AK5: variants seen among roughly 807,000 people sequenced by gnomAD.
AK5 encodes adenylate kinase isoenzyme 5.
In AK5, 27 loss-of-function variants were observed where a neutral mutation model predicts 69.5. That is an observed-to-expected ratio of 0.39 (90% confidence interval 0.29 to 0.54). The LOEUF is 0.54. Among genes scored for constraint, AK5 ranks in the 20% least tolerant of loss-of-function variants. AK5 has a pLI of 0.71. For synonymous variants in AK5, 260 were observed against 244.4 expected, an observed-to-expected ratio of 1.06 and a Z score of -0.60; for missense variants, 531 against 700.4, an observed-to-expected ratio of 0.76 and a Z score of 2.73.
chr1:77,297,418 C>A, intron 3 of AK5, 141 bp from the exon 4 acceptor site: 2 of 650,778 alleles, frequency 3.1e-6, no homozygotes, highest in Non-Finnish European at 5.1e-6. Flanking sequence ...TCAAAGGCAG[C>A]ACTGAGAATG....
chr1:77,352,791 G>T (rs1557520232), intron 6 of AK5, among the ~76,000 whole-genome samples: 1 of 152,188 alleles, frequency 6.6e-6, no homozygotes, highest in Non-Finnish European at 1.5e-5. Context: ...CATTTGATTG[G>T]TTACTGTTAT....
intron 8 of AK5, among the ~76,000 whole-genome samples, chr1:77,460,602 C>A (rs1472230976): frequency 6.6e-6 from 1 of 152,112 alleles, no homozygotes; most frequent in Non-Finnish European, 1.5e-5. Context: ...TACTATTCAG[C>A]CATAAAAAAG....
chr1:77,554,832 G>A lies in AK5; in HGVS notation c.1621-3770G>A, dbSNP rs565576626. Reference sequence around the variant, plus strand: ...GGGGTTTCGCCATGTTAGCCGGGATGGTCTCTATCTCCTGACCTCGTGATC... The same window carrying A: ...GGGGTTTCGCCATGTTAGCCGGGATAGTCTCTATCTCCTGACCTCGTGATC... On this transcript the variant is annotated intron_variant, in intron 13 of 13. Coordinates refer to ENST00000354567, the MANE Select transcript of AK5 (RefSeq NM_174858.3). Among the ~76,000 whole-genome samples, 88 of 148,756 alleles carry A rather than the reference G, an allele frequency of 5.9e-4. No homozygotes were observed. In the South Asian group the frequency reaches 0.017, roughly 29 times the overall value.
intron 6 of AK5, among the ~76,000 whole-genome samples, chr1:77,387,842 A>G (rs1390219005): frequency 1.3e-5 from 2 of 152,202 alleles, no homozygotes; most frequent in Non-Finnish European, 2.9e-5. Context: ...TTAGGGAACA[A>G]CTGAATCATT....
rs186569094 is a variant in AK5 at position 77,341,502 on chromosome 1, C to T, written c.891+934C>T. 2.0e-5 allele frequency among the ~76,000 whole-genome samples: 3 copies of T among 152,268 alleles called. No individual in the cohort carries two copies. The East Asian group carries it at 5.8e-4, about 29-fold the overall frequency. On this transcript the variant is annotated intron_variant, in intron 6 of 13. Coordinates refer to ENST00000354567, the MANE Select transcript of AK5 (RefSeq NM_174858.3). Reference sequence around the variant, plus strand: ...GAATCTAATCAAAGCGATGCATGCCCATCCCAATAAAAAGCACATAAAGAC... The same window carrying T: ...GAATCTAATCAAAGCGATGCATGCCTATCCCAATAAAAAGCACATAAAGAC...
chr1:77,360,039 T>C (rs1003892357), intron 6 of AK5, among the ~76,000 whole-genome samples: 9 of 152,118 alleles, frequency 5.9e-5, no homozygotes, highest in Non-Finnish European at 8.8e-5. Flanking sequence ...AGAGGTCAAA[T>C]GAAGCAGTCA....
chr1:77,359,253 CAA>C (rs377096698), intron 6 of AK5, among the ~76,000 whole-genome samples: 8 of 99,270 alleles, frequency 8.1e-5, no homozygotes, highest in Admixed American at 1.1e-4. Flanking sequence ...GACTCTGTCT[CAA>C]AAAAAAAAAA....
chr1:77,491,030 A>G (rs1178714262), intron 10 of AK5, among the ~76,000 whole-genome samples: 1 of 152,154 alleles, frequency 6.6e-6, no homozygotes, highest in Admixed American at 6.6e-5. Context: ...CATAGCTTTC[A>G]ATGTGTCTGG....
intron 8 of AK5, among the ~76,000 whole-genome samples, chr1:77,462,762 G>A (rs769493169): frequency 1.1e-4 from 17 of 152,176 alleles, no homozygotes; most frequent in Non-Finnish European, 2.1e-4. Flanking sequence ...TAAATATGGT[G>A]GTACTGTTCC....
At chr1:77,530,902 C>G (rs946438374) in intron 12 of AK5, among the ~76,000 whole-genome samples, 2 of 152,040 alleles carry the variant, frequency 1.3e-5, no homozygotes, top group African/African-American at 4.8e-5. Context: ...CTTCTCCTCC[C>G]GCTCCACTTG....
At chr1:77,417,587 G>T in intron 7 of AK5, 52 bp from the exon 8 acceptor site, 1 of 1,137,068 alleles carries the variant, frequency 8.8e-7, no homozygotes, top group Non-Finnish European at 1.3e-6. Flanking sequence ...GTTTGCTTTA[G>T]AAACATACAT....
chr1:77,320,200 A>G (rs1225075380), intron 5 of AK5, among the ~76,000 whole-genome samples: 1 of 152,148 alleles, frequency 6.6e-6, no homozygotes, highest in Non-Finnish European at 1.5e-5. Flanking sequence ...TATCATGAGA[A>G]CAGCATGGGG....
chr1:77,516,089 G>T (rs1245277215), intron 10 of AK5, among the ~76,000 whole-genome samples: 1 of 152,090 alleles, frequency 6.6e-6, no homozygotes, highest in East Asian at 1.9e-4. Context: ...AAGAAAGAAA[G>T]AAAAGATGAA....
intron 10 of AK5, among the ~76,000 whole-genome samples, chr1:77,500,588 G>A (rs1324734156): frequency 6.6e-6 from 1 of 152,118 alleles, no homozygotes; most frequent in African/African-American, 2.4e-5. Flanking sequence ...AGATCAGCCT[G>A]AGTGAGCAAC....
At chr1:77,504,905 A>G (rs1464246669) in intron 10 of AK5, among the ~76,000 whole-genome samples, 1 of 152,160 alleles carries the variant, frequency 6.6e-6, no homozygotes, top group Non-Finnish European at 1.5e-5. Flanking sequence ...GTTTATACCT[A>G]TGATTGTGTT....
chr1:77,317,348 CT>C (rs1022961671), intron 5 of AK5, among the ~76,000 whole-genome samples: 1 of 152,138 alleles, frequency 6.6e-6, no homozygotes, highest in African/African-American at 2.4e-5. Flanking sequence ...TACAGTGTCG[CT>C]TCTATCACTT....
intron 8 of AK5, among the ~76,000 whole-genome samples, chr1:77,461,201 T>G (rs1185124632): frequency 1.3e-5 from 2 of 151,470 alleles, no homozygotes; most frequent in Non-Finnish European, 2.9e-5. Context: ...GCCTGGCTAA[T>G]TTTTTGTATT....
In AK5 at chr1:77,456,353, C is replaced by G. The variant is rs72934318; in HGVS notation, c.1060-26964C>G. Reference sequence around the variant, plus strand: ...GGAGTAAACCCCAACCTGACTGCAGCTCTCACCTCAGCATGGAGAGGTTTC... The same window carrying G: ...GGAGTAAACCCCAACCTGACTGCAGGTCTCACCTCAGCATGGAGAGGTTTC... On this transcript the variant is annotated intron_variant, in intron 8 of 13. Transcript: ENST00000354567. 3.8e-3 allele frequency among the ~76,000 whole-genome samples: 577 copies of G among 152,358 alleles called. 6 individuals carry two copies. Among genetic ancestry groups the G allele is most frequent in the African/African-American group, 0.013 (547 of 41,572 alleles).
At chr1:77,372,153 C>G (rs188921227) in intron 6 of AK5, among the ~76,000 whole-genome samples, 3 of 151,844 alleles carry the variant, frequency 2.0e-5, no homozygotes, top group African/African-American at 7.2e-5. Context: ...ACTTACCAGA[C>G]CTTGAATAAT....
Sources: gnomAD v4.1 joint callset for allele counts (sites outside exome capture counted in the v4.1 genomes callset) on GRCh38, gnomAD v4.1.1 for gene constraint, MANE v1.5 for transcripts, NCBI Gene and HGNC (gene_info 2026-07-23, HGNC 2026-07-21) for gene names.